CNTNAP3B: variants seen among roughly 807,000 people sequenced by gnomAD.
The protein encoded by CNTNAP3B is contactin-associated protein-like 3B.
A neutral mutation model predicts 108.9 loss-of-function variants in CNTNAP3B; 25 were observed. The ratio of observed to expected loss-of-function variants is 0.23; its 90% CI spans 0.17 to 0.32. The LOEUF (loss-of-function observed/expected upper bound fraction) is 0.32, where lower values mean the gene tolerates loss of function less well. Among genes scored for constraint, CNTNAP3B ranks in the 10% least tolerant of loss-of-function variants. CNTNAP3B has a pLI of 1.00. For missense variants in CNTNAP3B, 252 were observed against 1,210.4 expected (o/e 0.21, Z 11.75); for synonymous variants, 103 against 473.4 (o/e 0.22, Z 10.16).
At chr9:42,075,172 G>T (rs1172592104) in intron 3 of CNTNAP3B, among the ~76,000 whole-genome samples, 18 of 145,002 alleles carry the variant, frequency 1.2e-4, no homozygotes, top group Non-Finnish European at 1.9e-4. Flanking sequence ...GGGTCCAAAG[G>T]TCCTTCTTGA....
At chr9:42,117,967 C>A (rs1184458745) in intron 1 of CNTNAP3B, among the ~76,000 whole-genome samples, 2 of 137,136 alleles carry the variant, frequency 1.5e-5, no homozygotes, top group East Asian at 2.2e-4. Flanking sequence ...CCTCCCAAGA[C>A]TAAACCAGGA....
At chr9:42,070,697 ACAGCTGCTGCCTCTGGGCT>A (rs1331424192) in intron 3 of CNTNAP3B, among the ~76,000 whole-genome samples, 2 of 152,166 alleles carry the variant, frequency 1.3e-5, no homozygotes, top group Non-Finnish European at 2.9e-5. Flanking sequence ...GTCAGTCCAG[ACAGCTGCTGCCTCTGGGCT>A]CAGTGCTGAT....
chr9:41,946,821 CCAAA>C (rs1322569466), intron 13 of CNTNAP3B, among the ~76,000 whole-genome samples: 1 of 72,254 alleles, frequency 1.4e-5, no homozygotes. Context: ...GCAAATTGAA[CCAAA>C]CAATTTTTAA....
At chr9:41,959,980 T>C (rs1375438302) in intron 12 of CNTNAP3B, 2 of 152,554 alleles carry the variant, frequency 1.3e-5, no homozygotes, top group Admixed American at 6.6e-5. Flanking sequence ...TCAAGCTGTG[T>C]TCATTTCTTT....
Position 41,968,357 on chromosome 9 carries a change from T to C in CNTNAP3B, c.1649+1717A>G, listed in dbSNP as rs574192841. 5.9e-3 allele frequency among the ~76,000 whole-genome samples: 834 copies of C among 140,872 alleles called. 47 individuals carry two copies. Among genetic ancestry groups the C allele is most frequent in the Middle Eastern group, 0.014 (4 of 290 alleles). The allele number at this position is 140,872 out of a possible 152,430, so 92.4% of individuals were successfully genotyped here. On this transcript the variant is annotated intron_variant, in intron 10 of 23. Coordinates refer to ENST00000377561, the MANE Select transcript of CNTNAP3B (RefSeq NM_001201380.3). ...TAGTTAGCTGAGCAACTTGGGATTA[T>C]ATTAAGTGAGCAAATGGCCAGAAAC... is the stretch of plus-strand genomic sequence containing the variant.
At position 41,966,483 on chromosome 9, in the gene CNTNAP3B, G is replaced by A. The variant is rs1443746312; in HGVS notation, c.1650-1839C>T. Among the ~76,000 whole-genome samples, 15 of 152,368 alleles carry A rather than the reference G, an allele frequency of 9.8e-5. No homozygotes were observed. The East Asian group carries it at 2.1e-3, about 22-fold the overall frequency. ...CAGAAGACCAACAGAGGGGAAGATG[G>A]CAGAGGGAGGGCAGGAGTGGGGTCA... On this transcript the variant is annotated intron_variant, in intron 10 of 23. Transcript: ENST00000377561.
chr9:41,973,439 T>G (rs1457415567), intron 9 of CNTNAP3B, among the ~76,000 whole-genome samples: 2 of 130,970 alleles, frequency 1.5e-5, no homozygotes, highest in Non-Finnish European at 1.6e-5. Flanking sequence ...TTTTCACTTG[T>G]GTAAGCATAT....
At chr9:41,921,137 C>G in intron 17 of CNTNAP3B, among the ~76,000 whole-genome samples, 1 of 152,312 alleles carries the variant, frequency 6.6e-6, no homozygotes, top group Non-Finnish European at 1.5e-5. Flanking sequence ...AACTATCAAT[C>G]AGCTTTGTGG....
Position 41,986,330 on chromosome 9 carries a change from G to C in CNTNAP3B, c.1334-19C>G. The C allele has an allele frequency of 8.9e-7, 1 of 1,129,296 alleles. No individual in the cohort carries two copies. The highest frequency in any genetic ancestry group is 1.2e-6 in the Non-Finnish European group (1 of 831,496). The allele number at this position is 1,129,296 out of a possible 1,614,324, so 70.0% of individuals were successfully genotyped here. A position where few individuals can be genotyped will look rare whatever the true frequency, so the allele number is the denominator to read the frequency against. ...CCAGCACCTGGAGGAAATACAATCA[G>C]TCAGAGACAACTCTAAATTATGAGC... On this transcript the variant is annotated intron_variant, in intron 8 of 23. Coordinates refer to ENST00000377561, the MANE Select transcript of CNTNAP3B (RefSeq NM_001201380.3).
At chr9:42,118,069 G>A (rs1177451344) in intron 1 of CNTNAP3B, among the ~76,000 whole-genome samples, 5 of 134,612 alleles carry the variant, frequency 3.7e-5, no homozygotes, top group Admixed American at 7.4e-5. Flanking sequence ...AGGACCAGAT[G>A]GATTCACAGC....
At chr9:41,947,191 C>T (rs1215741813) in intron 13 of CNTNAP3B, among the ~76,000 whole-genome samples, 131 of 149,996 alleles carry the variant, frequency 8.7e-4, no homozygotes, top group African/African-American at 3.1e-3. Context: ...GAATACTCCA[C>T]TTAAGAATAG....
chr9:42,086,687 C>G (rs1355749085), intron 2 of CNTNAP3B, among the ~76,000 whole-genome samples: 1 of 107,690 alleles, frequency 9.3e-6, no homozygotes, highest in African/African-American at 4.0e-5. Context: ...TCAAGTAATC[C>G]ACCCACCTCG....
chr9:42,024,901 G>T lies in CNTNAP3B; in HGVS notation c.391-11376C>A, dbSNP rs1179707477. ...AATCCTTTGCGTCTTAATTTCTTCA[G>T]CATCCCCTTTCTGAATATCCTGGTT... On this transcript the variant is annotated intron_variant, in intron 3 of 23. Transcript: ENST00000377561. Among the ~76,000 whole-genome samples, 530 of 143,658 alleles carry T rather than the reference G, an allele frequency of 3.7e-3. 5 individuals carry two copies. The highest frequency in any genetic ancestry group is 0.013 in the African/African-American group (482 of 37,812). The allele number at this position is 143,658 out of a possible 152,430, so 94.2% of individuals were successfully genotyped here. A position where few individuals can be genotyped will look rare whatever the true frequency, so the allele number is the denominator to read the frequency against.
chr9:41,970,934 G>A (rs1198436031), intron 9 of CNTNAP3B, among the ~76,000 whole-genome samples: 1 of 150,280 alleles, frequency 6.7e-6, no homozygotes, highest in Non-Finnish European at 1.5e-5. Flanking sequence ...ACACTGTTAG[G>A]GTACATAAGG....
At chr9:41,928,328 C>T (rs997081775) in intron 15 of CNTNAP3B, among the ~76,000 whole-genome samples, 1 of 152,172 alleles carries the variant, frequency 6.6e-6, no homozygotes, top group African/African-American at 2.4e-5. Flanking sequence ...AATCCATTGG[C>T]CCAGGTGGAT....
intron 15 of CNTNAP3B, among the ~76,000 whole-genome samples, chr9:41,928,122 A>T (rs996020680): frequency 5.3e-5 from 8 of 152,274 alleles, no homozygotes; most frequent in African/African-American, 1.9e-4. Context: ...ATCTGTCAAG[A>T]GCTGTGAAGA....
chr9:42,058,302 A>G (rs552386157), intron 3 of CNTNAP3B, among the ~76,000 whole-genome samples: 641 of 152,088 alleles, frequency 4.2e-3, no homozygotes, highest in African/African-American at 0.015. Context: ...TGCTTTCCAT[A>G]ATGGATATAC....
At chr9:41,942,938 C>T (rs1409001288) in intron 13 of CNTNAP3B, among the ~76,000 whole-genome samples, 5 of 152,252 alleles carry the variant, frequency 3.3e-5, no homozygotes, top group Non-Finnish European at 7.3e-5. Flanking sequence ...GCCAATACAA[C>T]ATGTCTGGCT....
At chr9:41,991,074 G>A (rs1825797029) in intron 8 of CNTNAP3B, among the ~76,000 whole-genome samples, 1 of 132,090 alleles carries the variant, frequency 7.6e-6, no homozygotes, top group East Asian at 2.4e-4. Flanking sequence ...GTAAGTGGAG[G>A]AGCTGAGATT....
Sources: gnomAD v4.1 joint callset for allele counts (sites outside exome capture counted in the v4.1 genomes callset) on GRCh38, gnomAD v4.1.1 for gene constraint, MANE v1.5 for transcripts, NCBI Gene and HGNC (gene_info 2026-07-23, HGNC 2026-07-21) for gene names.